SSBP3: variants seen among roughly 807,000 people sequenced by gnomAD.
SSBP3 encodes single-stranded DNA-binding protein 3.
A neutral mutation model predicts 69.6 loss-of-function variants in SSBP3; 5 were observed. The observed-to-expected ratio is 0.07, with a 90% CI of 0.04 to 0.15. SSBP3 has a LOEUF of 0.15. SSBP3 is among the 10% of genes least tolerant of loss of function. The pLI is 1.00. For synonymous variants in SSBP3, 196 were observed against 193.4 expected, an observed-to-expected ratio of 1.01 and a Z score of -0.11; for missense variants, 312 against 534.0, an observed-to-expected ratio of 0.58 and a Z score of 4.10.
intron 4 of SSBP3, among the ~76,000 whole-genome samples, chr1:54,326,082 GC>G (rs1180142714): frequency 3.3e-5 from 5 of 152,088 alleles, no homozygotes; most frequent in Non-Finnish European, 7.4e-5. Flanking sequence ...GGTGCTGATG[GC>G]AGCAGCAGCC....
intron 4 of SSBP3, among the ~76,000 whole-genome samples, chr1:54,319,584 C>CA (rs1646176765): frequency 6.6e-6 from 1 of 152,058 alleles, no homozygotes; most frequent in Admixed American, 6.5e-5. Context: ...AGGTCCTCAG[C>CA]ATCCCCTACC....
intron 4 of SSBP3, among the ~76,000 whole-genome samples, chr1:54,369,209 CTCT>C (rs1647079874): frequency 1.6e-5 from 2 of 128,542 alleles, no homozygotes; most frequent in Admixed American, 1.6e-4. Flanking sequence ...GGAAAAAGTC[CTCT>C]TGAGTCGGGG....
chr1:54,385,767 C>T lies in SSBP3; in HGVS notation c.276+16094G>A, dbSNP rs370124740. Among the ~76,000 whole-genome samples, 110 of 152,254 alleles carry T rather than the reference C, an allele frequency of 7.2e-4. 1 individual carries two copies. The highest frequency in any genetic ancestry group is 2.5e-3 in the African/African-American group (105 of 41,544). ...TCAAAGCAGTACTGCAGGCTGAGTACAATCCCCATTTTACAGATAAGGACA... is the reference window on the plus strand; with the variant it reads ...TCAAAGCAGTACTGCAGGCTGAGTATAATCCCCATTTTACAGATAAGGACA... On this transcript the variant is annotated intron_variant, in intron 4 of 17. Coordinates refer to ENST00000610401, the Ensembl canonical transcript of SSBP3.
chr1:54,362,447 A>G (rs1646964467), intron 4 of SSBP3, among the ~76,000 whole-genome samples: 1 of 152,228 alleles, frequency 6.6e-6, no homozygotes, highest in Non-Finnish European at 1.5e-5. Context: ...TGCTTTGTGG[A>G]AAGACTGACT....
chr1:54,310,363 G>T (rs1437539459), intron 4 of SSBP3, among the ~76,000 whole-genome samples: 2 of 152,082 alleles, frequency 1.3e-5, no homozygotes, highest in Admixed American at 6.5e-5. Context: ...CTTCCATAGA[G>T]ATTTCTAAAG....
At chr1:54,327,201 A>G (rs12404407) in intron 4 of SSBP3, among the ~76,000 whole-genome samples, 8,118 of 145,054 alleles carry the variant, frequency 0.056, 313 homozygotes, top group South Asian at 0.13. Context: ...CTAATGCTCA[A>G]CAGGAAAGAG....
At chr1:54,372,402 C>CACCT (rs1349813018) in intron 4 of SSBP3, among the ~76,000 whole-genome samples, 1 of 147,638 alleles carries the variant, frequency 6.8e-6, no homozygotes, top group Non-Finnish European at 1.5e-5. Flanking sequence ...TTCTTTCTCA[C>CACCT]TCCTTGAGGC....
intron 5 of SSBP3, among the ~76,000 whole-genome samples, chr1:54,261,053 A>G (rs1345314426): frequency 6.6e-6 from 1 of 152,188 alleles, no homozygotes; most frequent in Non-Finnish European, 1.5e-5. Context: ...CCACATCCAC[A>G]GAGAACTCCT....
In SSBP3 at chr1:54,242,747, C is replaced by T. The variant is rs899803337; in HGVS notation, c.716+488G>A. 3.1e-5 allele frequency: 5 copies of T among 162,348 alleles called. 1 individual carries two copies. The South Asian group carries it at 5.1e-4, about 17-fold the overall frequency. 10.1% of individuals were successfully genotyped at this position (162,348 alleles called of 1,614,324 possible). ...GGCAGATCATTTGAGGTCAGGAGTT[C>T]GAGACCACCCTGGCCAACATGGTGA... is the stretch of plus-strand genomic sequence containing the variant. On this transcript the variant is annotated intron_variant, in intron 10 of 17. Coordinates refer to ENST00000610401, the Ensembl canonical transcript of SSBP3.
chr1:54,245,337 G>A (rs1216174692), intron 9 of SSBP3, among the ~76,000 whole-genome samples: 8 of 152,228 alleles, frequency 5.3e-5, no homozygotes, highest in Admixed American at 5.2e-4. Flanking sequence ...GTTGCAGTGA[G>A]CAAATGGACA....
At chr1:54,396,555 C>T (rs1648901451) in intron 4 of SSBP3, among the ~76,000 whole-genome samples, 1 of 152,014 alleles carries the variant, frequency 6.6e-6, no homozygotes, top group Non-Finnish European at 1.5e-5. Context: ...GGCCAGGCAC[C>T]CTTGACTAGG....
At chr1:54,402,672 T>C (rs1357983145) in intron 3 of SSBP3, among the ~76,000 whole-genome samples, 1 of 152,062 alleles carries the variant, frequency 6.6e-6, no homozygotes, top group Non-Finnish European at 1.5e-5. Flanking sequence ...AGGGCCCTCT[T>C]CACAGAAGCA....
intron 4 of SSBP3, among the ~76,000 whole-genome samples, chr1:54,349,906 C>T (rs1646754033): frequency 6.6e-6 from 1 of 152,020 alleles, no homozygotes; most frequent in South Asian, 2.1e-4. Context: ...ATCTGGAGCC[C>T]CTGGTACATC....
chr1:54,269,146 T>G (rs962260404), intron 5 of SSBP3, among the ~76,000 whole-genome samples: 1 of 152,184 alleles, frequency 6.6e-6, no homozygotes, highest in African/African-American at 2.4e-5. Context: ...ACAGCCTTCC[T>G]TATTAGCCCA....
At chr1:54,248,612 C>T (rs1460070146) in intron 9 of SSBP3, among the ~76,000 whole-genome samples, 5 of 152,164 alleles carry the variant, frequency 3.3e-5, no homozygotes, top group Non-Finnish European at 7.4e-5. Flanking sequence ...TACCCTCCAC[C>T]TCAGAGTCCC....
chr1:54,228,195 T>G, intron 17 of SSBP3, 60 bp downstream of exon 17: 1 of 1,494,306 alleles, frequency 6.7e-7, no homozygotes, highest in Non-Finnish European at 9.3e-7. Flanking sequence ...GCTCGCAACT[T>G]GTTAGGAAAG....
chr1:54,406,524 CT>C (rs1649786819), upstream of SSBP3: 2 of 152,120 alleles, frequency 1.3e-5, no homozygotes, highest in African/African-American at 4.8e-5. Flanking sequence ...GAGGGACGCC[CT>C]GACAGCGCCG....
At chr1:54,293,062 C>T (rs1029203726) in intron 4 of SSBP3, among the ~76,000 whole-genome samples, 10 of 152,064 alleles carry the variant, frequency 6.6e-5, no homozygotes, top group Non-Finnish European at 1.5e-4. Flanking sequence ...CTGACCAAGA[C>T]ACAGCCCCAG....
intron 4 of SSBP3, among the ~76,000 whole-genome samples, chr1:54,398,535 CAGTT>C (rs1396417066): frequency 4.6e-5 from 7 of 152,348 alleles, no homozygotes; most frequent in East Asian, 1.9e-4. Flanking sequence ...TCTGGGCACA[CAGTT>C]AGAGACACTC....
Sources: allele counts gnomAD v4.1 joint callset (sites outside exome capture counted in the v4.1 genomes callset), GRCh38; gene constraint gnomAD v4.1.1; transcripts MANE v1.5; gene names NCBI Gene and HGNC (gene_info 2026-07-23, HGNC 2026-07-21).